The following LARP4 variants were observed in gnomAD, a reference collection of about 807,000 sequenced individuals.
LARP4 encodes the protein la-related protein 4.
A neutral mutation model predicts 92.9 loss-of-function variants in LARP4; 29 were observed. The observed-to-expected ratio is 0.31, with a 90% confidence interval of 0.23 to 0.43. LARP4 has a LOEUF of 0.43. LARP4 is among the 20% of genes least tolerant of loss of function. The probability of loss-of-function intolerance (pLI) is 1.00; values close to 1 mark genes in which losing one functional copy is unlikely to be tolerated. For synonymous variants in LARP4, 279 were observed against 284.1 expected, an observed-to-expected ratio of 0.98 and a Z score of 0.18; for missense variants, 732 against 860.0, an observed-to-expected ratio of 0.85 and a Z score of 1.86.
chr12:50,413,827 A>G (rs1224605134), intron 1 of LARP4, among the ~76,000 whole-genome samples: 1 of 152,220 alleles, frequency 6.6e-6, no homozygotes, highest in African/African-American at 2.4e-5. Context: ...ATTAACATTG[A>G]TACAGTCCAC....
intron 13 of LARP4, among the ~76,000 whole-genome samples, chr12:50,467,376 TA>T (rs1956282707): frequency 6.6e-6 from 1 of 152,098 alleles, no homozygotes; most frequent in East Asian, 1.9e-4. Context: ...CTGCAACCTC[TA>T]CCTCCTTGGT....
intron 1 of LARP4, among the ~76,000 whole-genome samples, chr12:50,412,678 T>C (rs562977579): frequency 2.6e-5 from 4 of 152,294 alleles, no homozygotes; most frequent in African/African-American, 9.6e-5. Flanking sequence ...GCCTTTGGCT[T>C]ATTTGGGGAT....
At position 50,462,602 on chromosome 12, in the gene LARP4, G is replaced by A. The variant is rs748279624; in HGVS notation, c.1355G>A (p.Arg452Gln). The A allele has an allele frequency of 2.0e-5, 32 of 1,563,074 alleles. No homozygotes were observed. The Middle Eastern group carries it at 8.4e-4, about 41-fold the overall frequency. ...AAAAGGAGAACTCTCTTCAGAGGTC[G>A]AAGACGACGAGAAGATGACAGGATC... ...GRGRRTLFRG[R>Q]RRREDDRISR... The change falls in exon 12 of 16, where the codon CGA becomes CAA. Residue 452 changes from arginine to glutamine, a missense_variant. Arg to Gln is a conservative substitution (Grantham distance 43). This residue lies in a region of LARP4 where 264 missense variants were observed against 269.5 expected (regional missense o/e 0.98). Coordinates refer to ENST00000398473, the MANE Select transcript of LARP4 (RefSeq NM_052879.5).
At chr12:50,441,708 A>C in intron 8 of LARP4, 65 bp downstream of exon 8, 2 of 1,185,200 alleles carry the variant, frequency 1.7e-6, no homozygotes, top group Non-Finnish European at 2.4e-6. Flanking sequence ...AATTTAAAAA[A>C]TACAGACAGA....
chr12:50,465,452 G>A (rs1956038627), intron 12 of LARP4, among the ~76,000 whole-genome samples: 2 of 151,880 alleles, frequency 1.3e-5, no homozygotes, highest in African/African-American at 4.8e-5. Context: ...ACTAAACATT[G>A]GGGTTAAAGA....
At chr12:50,457,703 A>G (rs1954576504) in intron 10 of LARP4, among the ~76,000 whole-genome samples, 1 of 151,798 alleles carries the variant, frequency 6.6e-6, no homozygotes, top group Non-Finnish European at 1.5e-5. Context: ...AGTCCCTGCT[A>G]CTTGGGAGAC....
intron 1 of LARP4, among the ~76,000 whole-genome samples, chr12:50,426,722 TGTGTGTGTGG>T (rs1565987092): frequency 6.4e-5 from 8 of 124,520 alleles, no homozygotes; most frequent in African/African-American, 1.5e-4. Flanking sequence ...TGTGTGTGTG[TGTGTGTGTGG>T]TTTTTTTTTT....
chr12:50,429,723 C>G (rs1205791430), intron 3 of LARP4, among the ~76,000 whole-genome samples: 1 of 152,172 alleles, frequency 6.6e-6, no homozygotes, highest in Non-Finnish European at 1.5e-5. Flanking sequence ...ACTGCAATCT[C>G]TGCCTCCTGG....
chr12:50,408,682 T>C (rs1274922118), intron 1 of LARP4, among the ~76,000 whole-genome samples: 1 of 152,206 alleles, frequency 6.6e-6, no homozygotes, highest in East Asian at 1.9e-4. Flanking sequence ...CTGTGACAGA[T>C]GTTTTACCCT....
In LARP4 at chr12:50,479,432, T is replaced by C. The variant is rs568782230; in HGVS notation, c.*3568T>C. 1 of 152,196 alleles carries C rather than the reference T, an allele frequency of 6.6e-6. No homozygotes were observed. Among genetic ancestry groups the C allele is most frequent in the African/African-American group, 2.4e-5 (1 of 41,446 alleles). 9.4% of individuals were successfully genotyped at this position (152,196 alleles called of 1,614,324 possible). On this transcript the variant is annotated 3_prime_UTR_variant, in exon 16 of 16. Transcript: ENST00000398473. ...ATTTTGGTGGCCATTAATTTAACTT[T>C]AGGCTTTTGGGCATATGCTAGTCTG...
intron 15 of LARP4, 47 bp downstream of exon 15, chr12:50,474,214 G>GT (rs1565771651): frequency 6.6e-6 from 9 of 1,356,800 alleles, no homozygotes; most frequent in Non-Finnish European, 9.1e-6. Flanking sequence ...CAATAGATTA[G>GT]ATTTTTTTTT....
At chr12:50,470,777 C>T (rs1956844575) in intron 13 of LARP4, among the ~76,000 whole-genome samples, 1 of 152,148 alleles carries the variant, frequency 6.6e-6, no homozygotes, top group Non-Finnish European at 1.5e-5. Context: ...TCCCTAGTAT[C>T]TTAGCAGTGA....
At chr12:50,406,760 A>G (rs1000522556) in intron 1 of LARP4, among the ~76,000 whole-genome samples, 2 of 152,216 alleles carry the variant, frequency 1.3e-5, no homozygotes, top group Admixed American at 6.6e-5. Flanking sequence ...TCTGTTGCCC[A>G]GGCTGGAGTG....
chr12:50,429,643 T>G (rs184909732), intron 3 of LARP4, among the ~76,000 whole-genome samples: 24 of 152,234 alleles, frequency 1.6e-4, no homozygotes, highest in Admixed American at 6.5e-4. Context: ...TGTTGTTGTT[T>G]TTTTGTTGTT....
At chr12:50,443,062 CTT>C (rs947728601) in intron 8 of LARP4, among the ~76,000 whole-genome samples, 6 of 152,060 alleles carry the variant, frequency 3.9e-5, no homozygotes, top group Admixed American at 3.9e-4. Flanking sequence ...AGAAGTGGGT[CTT>C]TGGTATATCT....
In LARP4 at chr12:50,449,451, C is replaced by G. The variant is rs188767692; in HGVS notation, c.805-4009C>G. On this transcript the variant is annotated intron_variant, in intron 8 of 15. Coordinates refer to ENST00000398473, the MANE Select transcript of LARP4 (RefSeq NM_052879.5). Reference sequence around the variant, plus strand: ...TTTTCATGCAAATTGGTCGCTAGATCTTTTTTTCTTTTTCTGTTTTTTAAA... The same window carrying G: ...TTTTCATGCAAATTGGTCGCTAGATGTTTTTTTCTTTTTCTGTTTTTTAAA... 1.2e-3 allele frequency among the ~76,000 whole-genome samples: 175 copies of G among 152,118 alleles called. 1 individual carries two copies. Among genetic ancestry groups the G allele is most frequent in the Admixed American group, 2.0e-3 (31 of 15,282 alleles).
At chr12:50,447,849 C>G (rs79937783) in intron 8 of LARP4, among the ~76,000 whole-genome samples, 2,715 of 151,972 alleles carry the variant, frequency 0.018, 58 homozygotes, top group East Asian at 0.087. Flanking sequence ...GGGCCCAGCT[C>G]CGCACCACTC....
intron 10 of LARP4, among the ~76,000 whole-genome samples, chr12:50,455,220 C>CTTG (rs151024337): frequency 3.0e-4 from 45 of 151,808 alleles, no homozygotes; most frequent in African/African-American, 6.8e-4. Context: ...TATGTTATGG[C>CTTG]TTGTTGTTGT....
intron 4 of LARP4, among the ~76,000 whole-genome samples, 164 bp downstream of exon 4, chr12:50,430,734 C>T (rs865998890): frequency 6.6e-6 from 1 of 151,010 alleles, no homozygotes. Context: ...GATCTCGGCT[C>T]ACAGCAGCCT....
Sources: allele counts gnomAD v4.1 joint callset (sites outside exome capture counted in the v4.1 genomes callset), GRCh38; gene constraint gnomAD v4.1.1; regional missense constraint gnomAD v4.1.1; transcripts MANE v1.5; gene names NCBI Gene and HGNC (gene_info 2026-07-23, HGNC 2026-07-21).